The following ZNF343 variants were observed in gnomAD, a reference collection of about 807,000 sequenced individuals.
ZNF343 encodes zinc finger protein 343.
In ZNF343, 11 loss-of-function variants were observed where a neutral mutation model predicts 13.8. The observed-to-expected ratio is 0.80, with a 90% CI of 0.50 to 1.32. The LOEUF (loss-of-function observed/expected upper bound fraction) is 1.32. Ranked by LOEUF, ZNF343 falls within the 40% of genes most tolerant of loss-of-function variation. The pLI is 0.00. For missense variants in ZNF343, 658 were observed against 714.2 expected, an observed-to-expected ratio of 0.92 and a Z score of 0.90; for synonymous variants, 248 against 260.0, an observed-to-expected ratio of 0.95 and a Z score of 0.44.
chr20:2,509,413 C>A (rs2085723079), upstream of ZNF343, among the ~76,000 whole-genome samples: 1 of 152,214 alleles, frequency 6.6e-6, no homozygotes. Flanking sequence ...TGAACCCTTA[C>A]CCTCAACACC....
rs1347383673 is a variant in ZNF343, at chr20:2,484,662, G to A, written c.305-6C>T. On this transcript the variant is annotated splice_polypyrimidine_tract_variant and splice_region_variant and intron_variant, in intron 5 of 5. Coordinates refer to ENST00000278772, the MANE Select transcript of ZNF343 (RefSeq NM_024325.6). ...GATTTCTGGCTTTGGTTCTGCTGAA[G>A]AATGAAAGTTTTCTGTTAGAGTAGC... 1 of 1,574,004 alleles carries A rather than the reference G, an allele frequency of 6.4e-7. No individual in the cohort carries two copies. The highest frequency in any genetic ancestry group is 2.2e-5 in the East Asian group (1 of 44,524).
At chr20:2,492,437 C>A (rs2085380598) in intron 5 of ZNF343, among the ~76,000 whole-genome samples, 1 of 152,188 alleles carries the variant, frequency 6.6e-6, no homozygotes, top group East Asian at 1.9e-4. Context: ...ACCCAATACC[C>A]CTTTATCCTG....
intron 5 of ZNF343, among the ~76,000 whole-genome samples, chr20:2,486,927 T>C (rs2085290421): frequency 6.6e-6 from 1 of 152,210 alleles, no homozygotes; most frequent in African/African-American, 2.4e-5. Context: ...GTAAATATTT[T>C]AGGGTTTGTA....
chr20:2,502,738 A>C (rs564559573), intron 1 of ZNF343, among the ~76,000 whole-genome samples: 2 of 152,318 alleles, frequency 1.3e-5, no homozygotes, highest in African/African-American at 4.8e-5. Context: ...GGAGAAATAA[A>C]ATAATTTACA....
rs2085251240 is a variant in ZNF343, at chr20:2,484,530, C to T, written c.431G>A (p.Gly144Glu). 1 of 1,614,040 alleles carries T rather than the reference C, an allele frequency of 6.2e-7. No individual in the cohort carries two copies. The highest frequency in any genetic ancestry group is 8.5e-7 in the Non-Finnish European group (1 of 1,180,046). The change falls in exon 6 of 6, where the codon GGG becomes GAG. Residue 144 changes from glycine (G) to glutamate (E), a missense_variant. Transcript: ENST00000278772. The stretch of plus-strand genomic sequence containing the variant: ...TTTCCAATGCCCTGGGCTAGAATTC[C>T]CTGGATGGAAGTGATTTTCTGCACA... Reference protein sequence around the residue: ...GLCAENHFHPGNSSPGHWKQQ... With the variant: ...GLCAENHFHPENSSPGHWKQQ...
At chr20:2,492,986 C>T in intron 4 of ZNF343, 161 bp from the exon 5 acceptor site, 1 of 964,838 alleles carries the variant, frequency 1.0e-6, no homozygotes, top group Non-Finnish European at 1.5e-6. Flanking sequence ...TACTGTCTGC[C>T]TGGCTTTCTG....
intron 5 of ZNF343, 27 bp from the exon 6 acceptor site, chr20:2,484,683 G>C: frequency 6.4e-7 from 1 of 1,554,652 alleles, no homozygotes; most frequent in Non-Finnish European, 8.7e-7. Flanking sequence ...TTCTGTTAGA[G>C]TAGCCATAAG....
rs935269019 is a variant in ZNF343 at position 2,487,709 on chromosome 20, C to A, written c.305-3053G>T. On this transcript the variant is annotated intron_variant, in intron 5 of 5. Coordinates refer to ENST00000278772, the MANE Select transcript of ZNF343 (RefSeq NM_024325.6). ...TATAGGTAGGATTGCCAGGTCAAAG[C>A]ATATGCATATATAGTTTCGTTACAT... Among the ~76,000 whole-genome samples, 68 of 152,332 alleles carry A rather than the reference C, an allele frequency of 4.5e-4. 1 individual carries two copies. Among genetic ancestry groups the A allele is most frequent in the African/African-American group, 1.3e-3 (54 of 41,590 alleles).
rs147664383 is a variant in ZNF343 at position 2,484,570 on chromosome 20, T to A, written c.391A>T (p.Ile131Phe). The change falls in exon 6 of 6, where the codon ATC becomes TTC. Residue 131 changes from isoleucine to phenylalanine, a missense_variant. By Grantham distance (21) the Ile-to-Phe change is conservative. Transcript: ENST00000278772. ...TTTTCTGCACATAAGCCCAGGAAGA[T>A]CTGAAGTACATGTTGACTGAGGAAC... ...QQFLSQHVLQ[I>F]FLGLCAENHF... 1.2e-4 allele frequency: 201 copies of A among 1,614,156 alleles called. 2 individuals carry two copies. In the East Asian group the frequency reaches 4.4e-3, roughly 35 times the overall value.
At chr20:2,496,753 T>C (rs2085465856) in intron 2 of ZNF343, among the ~76,000 whole-genome samples, 2 of 152,086 alleles carry the variant, frequency 1.3e-5, no homozygotes, top group Admixed American at 1.3e-4. Context: ...CAAAGACAAT[T>C]CTAGTATTTT....
intron 1 of ZNF343, among the ~76,000 whole-genome samples, chr20:2,522,436 C>T (rs369687376): frequency 6.2e-4 from 95 of 152,304 alleles, no homozygotes; most frequent in African/African-American, 2.1e-3. Flanking sequence ...TTAGACGTGA[C>T]GCAACCTGTT....
In ZNF343 at chr20:2,483,712, C is replaced by G. The variant is rs1568471178; in HGVS notation, c.1249G>C (p.Gly417Arg). ...KPYVCRECGR[G>R]FSQNSDLIKH... ...ATGAGATCTGAGTTCTGGCTAAAGC[C>G]TCGCCCACACTCCCTGCAAACATAA... The change falls in exon 6 of 6, where the codon GGC becomes CGC. Residue 417 changes from glycine to arginine, a missense_variant. Gly to Arg is a moderately radical substitution (Grantham distance 125, BLOSUM62 -2). Coordinates refer to ENST00000278772, the MANE Select transcript of ZNF343 (RefSeq NM_024325.6). The G allele has an allele frequency of 1.2e-6, 2 of 1,613,476 alleles. No homozygotes were observed. The highest frequency in any genetic ancestry group is 1.7e-6 in the Non-Finnish European group (2 of 1,179,852).
At chr20:2,502,966 TAACCTTAAATGTA>T (rs1327441723) in intron 1 of ZNF343, among the ~76,000 whole-genome samples, 1 of 152,126 alleles carries the variant, frequency 6.6e-6, no homozygotes, top group Non-Finnish European at 1.5e-5. Context: ...ATAACCATAT[TAACCTTAAATGTA>T]AATGGGCTAA....
intron 1 of ZNF343, among the ~76,000 whole-genome samples, chr20:2,505,153 C>T (rs76017403): frequency 1.3e-5 from 2 of 151,978 alleles, no homozygotes; most frequent in Non-Finnish European, 2.9e-5. Context: ...TTCTTATACA[C>T]CAATAACAGA....
chr20:2,501,250 G>A (rs747803191), intron 1 of ZNF343, among the ~76,000 whole-genome samples: 40 of 152,182 alleles, frequency 2.6e-4, no homozygotes, highest in Non-Finnish European at 5.1e-4. Context: ...AGGCGGCAGC[G>A]AGGCTGGGGG....
chr20:2,501,188 C>T lies in ZNF343; in HGVS notation c.-236-446G>A, dbSNP rs139962107. Among the ~76,000 whole-genome samples, 106 of 152,294 alleles carry T rather than the reference C, an allele frequency of 7.0e-4. No individual in the cohort carries two copies. The South Asian group carries it at 9.1e-3, about 13-fold the overall frequency. ...CCCGCGCCTGGCTCAGTGGGTCCTA[C>T]GCCCATGGACCCTCGCTCATTGCTA... On this transcript the variant is annotated intron_variant, in intron 1 of 5. Transcript: ENST00000278772.
chr20:2,493,756 C>T (rs777033557), intron 3 of ZNF343, 22 bp downstream of exon 3: 26 of 1,590,184 alleles, frequency 1.6e-5, no homozygotes, highest in African/African-American at 6.7e-5. Context: ...TTCATCCCTC[C>T]GGCTCCCTCA....
intron 2 of ZNF343, among the ~76,000 whole-genome samples, chr20:2,499,273 G>A (rs902811473): frequency 6.8e-5 from 9 of 133,162 alleles, no homozygotes; most frequent in South Asian, 2.3e-4. Flanking sequence ...AGACCATCCC[G>A]GCTAAAACGG....
intron 1 of ZNF343, among the ~76,000 whole-genome samples, chr20:2,507,564 C>T (rs2085683769): frequency 6.6e-6 from 1 of 152,180 alleles, no homozygotes; most frequent in Non-Finnish European, 1.5e-5. Flanking sequence ...CTACACCTTC[C>T]TCAAATTGAC....
Sources: allele counts gnomAD v4.1 joint callset (sites outside exome capture counted in the v4.1 genomes callset), GRCh38; gene constraint gnomAD v4.1.1; transcripts MANE v1.5; gene names NCBI Gene and HGNC (gene_info 2026-07-23, HGNC 2026-07-21).